Variants in BMPR1B observed in about 807,000 individuals in gnomAD.
BMPR1B encodes the protein bone morphogenetic protein receptor type-1B.
Under a neutral mutation model 59.1 loss-of-function variants are expected in BMPR1B, and 12 were observed. The ratio of observed to expected loss-of-function variants is 0.20; its 90% confidence interval spans 0.13 to 0.33. The LOEUF (loss-of-function observed/expected upper bound fraction) is 0.33. BMPR1B is among the 10% of genes least tolerant of loss of function. The probability of loss-of-function intolerance (pLI) is 1.00; values close to 1 mark genes in which losing one functional copy is unlikely to be tolerated. For missense variants in BMPR1B, 550 were observed against 610.9 expected (o/e 0.90, Z 1.05); for synonymous variants, 237 against 207.3 (o/e 1.14, Z -1.23).
chr4:94,897,941 CTTTTTTTTTTT>C (rs869186341), intron 2 of BMPR1B, among the ~76,000 whole-genome samples: 9 of 90,336 alleles, frequency 1.0e-4, no homozygotes, highest in East Asian at 3.0e-4. Flanking sequence ...AATTCTTTTC[CTTTTTTTTTTT>C]TTTTTTTTTT....
rs560090874 is a variant in BMPR1B, at chr4:94,775,872, G to A, written c.-183+17804G>A. ...GCTGGGAGGCGGAGGCGGGCAGATCGTGAGGACAGGAGATCGAGAGCGTCC... is the reference window on the plus strand; with the variant it reads ...GCTGGGAGGCGGAGGCGGGCAGATCATGAGGACAGGAGATCGAGAGCGTCC... On this transcript the variant is annotated intron_variant, in intron 1 of 12. Coordinates refer to ENST00000515059, the MANE Select transcript of BMPR1B (RefSeq NM_001203.3). Among the ~76,000 whole-genome samples the A allele has an allele frequency of 2.6e-5, 4 of 152,236 alleles. No homozygotes were observed. In the East Asian group the frequency reaches 5.8e-4, roughly 22 times the overall value.
chr4:95,108,735 A>C (rs1175400359), intron 4 of BMPR1B, among the ~76,000 whole-genome samples: 2 of 152,094 alleles, frequency 1.3e-5, no homozygotes, highest in Admixed American at 6.6e-5. Context: ...ACAGTAATAG[A>C]GCCTTTTTTA....
chr4:95,010,943 T>C (rs560673128), intron 3 of BMPR1B, among the ~76,000 whole-genome samples: 16 of 152,334 alleles, frequency 1.1e-4, no homozygotes, highest in Non-Finnish European at 1.9e-4. Context: ...GAATTGCATT[T>C]GGATGGAAGT....
intron 2 of BMPR1B, among the ~76,000 whole-genome samples, chr4:94,900,814 T>G (rs1048530168): frequency 5.9e-5 from 9 of 151,990 alleles, no homozygotes; most frequent in African/African-American, 2.2e-4. Context: ...CTAGATGTTT[T>G]AAAAATACAT....
At chr4:94,898,152 A>C (rs905744414) in intron 2 of BMPR1B, among the ~76,000 whole-genome samples, 1 of 151,574 alleles carries the variant, frequency 6.6e-6, no homozygotes, top group African/African-American at 2.4e-5. Context: ...GAGTCTCACT[A>C]TGTTACCCAG....
intron 3 of BMPR1B, among the ~76,000 whole-genome samples, chr4:95,016,647 T>G (rs1194974201): frequency 6.6e-6 from 1 of 152,226 alleles, no homozygotes; most frequent in Non-Finnish European, 1.5e-5. Context: ...GATGGAAGGC[T>G]TTAACAAAGT....
intron 1 of BMPR1B, among the ~76,000 whole-genome samples, chr4:94,798,434 C>T (rs1363253838): frequency 1.3e-5 from 2 of 152,178 alleles, no homozygotes; most frequent in Non-Finnish European, 1.5e-5. Context: ...TGATGTGGTG[C>T]TAATGTATCC....
chr4:95,019,071 C>T (rs979094396), intron 3 of BMPR1B, among the ~76,000 whole-genome samples: 6 of 152,088 alleles, frequency 3.9e-5, no homozygotes, highest in Non-Finnish European at 1.5e-5. Flanking sequence ...AGTTTTGCAA[C>T]TGTCGAATAC....
At chr4:95,134,967 T>G (rs1025234018) in intron 10 of BMPR1B, among the ~76,000 whole-genome samples, 26 of 152,278 alleles carry the variant, frequency 1.7e-4, no homozygotes, top group African/African-American at 6.0e-4. Flanking sequence ...AATGCCTGGG[T>G]TTTCTTCTGT....
intron 2 of BMPR1B, among the ~76,000 whole-genome samples, chr4:94,912,076 CAA>C (rs1171701078): frequency 6.6e-6 from 1 of 151,848 alleles, no homozygotes; most frequent in Non-Finnish European, 1.5e-5. Context: ...TGGCAGCAGA[CAA>C]AGAGGGAATG....
intron 2 of BMPR1B, among the ~76,000 whole-genome samples, chr4:94,894,142 A>G (rs1256495935): frequency 6.6e-6 from 1 of 152,072 alleles, no homozygotes; most frequent in East Asian, 1.9e-4. Context: ...TAAAAGCACA[A>G]CCAGTCTGCA....
At position 94,776,971 on chromosome 4, in the gene BMPR1B, T is replaced by G. The variant is rs545707395; in HGVS notation, c.-183+18903T>G. Among the ~76,000 whole-genome samples the G allele has an allele frequency of 2.5e-3, 380 of 152,326 alleles. 3 individuals carry two copies. Among genetic ancestry groups the G allele is most frequent in the African/African-American group, 8.8e-3 (366 of 41,586 alleles). ...TTACCATCTTAATTTTGTATTTTAT[T>G]TTTGCTTGAATGATTTATGAATTTT... On this transcript the variant is annotated intron_variant, in intron 1 of 12. Transcript: ENST00000515059.
At chr4:95,136,225 A>T (rs570031137) in intron 10 of BMPR1B, among the ~76,000 whole-genome samples, 2 of 152,308 alleles carry the variant, frequency 1.3e-5, no homozygotes, top group East Asian at 1.9e-4. Context: ...TGATTTGTGT[A>T]TGTTGAACCA....
At chr4:94,925,440 A>G (rs773206767) in intron 2 of BMPR1B, among the ~76,000 whole-genome samples, 1 of 152,172 alleles carries the variant, frequency 6.6e-6, no homozygotes, top group Non-Finnish European at 1.5e-5. Flanking sequence ...CTGTTTTGAT[A>G]TAAGTCAGTG....
rs369685846 is a variant in BMPR1B at position 95,154,515 on chromosome 4, A to T, written c.1384-33A>T. 83 of 1,613,902 alleles carry T rather than the reference A, an allele frequency of 5.1e-5. No individual in the cohort carries two copies. The African/African-American group carries it at 1.0e-3, about 20-fold the overall frequency. Reference sequence around the variant, plus strand: ...ATTGTAACAGGTGCCAGCCTTGCAGATGATACATTTTTCTAACATTTCTCT... The same window carrying T: ...ATTGTAACAGGTGCCAGCCTTGCAGTTGATACATTTTTCTAACATTTCTCT... On this transcript the variant is annotated intron_variant, in intron 12 of 12. Transcript: ENST00000515059.
At chr4:94,861,101 T>C (rs1725960822) in intron 1 of BMPR1B, among the ~76,000 whole-genome samples, 1 of 152,160 alleles carries the variant, frequency 6.6e-6, no homozygotes, top group Non-Finnish European at 1.5e-5. Flanking sequence ...TTGAGAGTTA[T>C]AGTCTTGAGG....
chr4:94,894,121 A>G (rs541403902), intron 2 of BMPR1B, among the ~76,000 whole-genome samples: 21 of 152,200 alleles, frequency 1.4e-4, no homozygotes, highest in African/African-American at 5.1e-4. Flanking sequence ...GGATAGTGAA[A>G]TGAAATACTG....
chr4:94,794,617 C>T (rs949632755), intron 1 of BMPR1B, among the ~76,000 whole-genome samples: 1 of 143,768 alleles, frequency 7.0e-6, no homozygotes, highest in Non-Finnish European at 1.5e-5. Flanking sequence ...GGCAGTATGG[C>T]CACTTTCACG....
At chr4:94,897,370 A>G (rs1445477532) in intron 2 of BMPR1B, among the ~76,000 whole-genome samples, 4 of 152,080 alleles carry the variant, frequency 2.6e-5, no homozygotes, top group African/African-American at 9.7e-5. Flanking sequence ...AATGCGATGC[A>G]TTGAAAGGCA....
Sources: allele counts gnomAD v4.1 joint callset (sites outside exome capture counted in the v4.1 genomes callset), GRCh38; gene constraint gnomAD v4.1.1; transcripts MANE v1.5; gene names NCBI Gene and HGNC (gene_info 2026-07-23, HGNC 2026-07-21).